GRIK2: variants seen among roughly 807,000 people sequenced by gnomAD.
GRIK2 encodes the protein glutamate ionotropic receptor kainate type subunit 2.
Under a neutral mutation model 100.3 loss-of-function variants are expected in GRIK2, and 32 were observed. The ratio of observed to expected loss-of-function variants is 0.32; its 90% CI spans 0.24 to 0.43. The LOEUF is 0.43. Among genes scored for constraint, GRIK2 ranks in the 20% least tolerant of loss-of-function variants. The probability of loss-of-function intolerance (pLI) is 1.00; values close to 1 mark genes in which losing one functional copy is unlikely to be tolerated. For synonymous variants in GRIK2, 417 were observed against 389.4 expected (o/e 1.07, Z -0.83); for missense variants, 843 against 1,114.9 (o/e 0.76, Z 3.47).
rs140752600 is a variant in GRIK2 at position 101,430,668 on chromosome 6, G to C, written c.115+31276G>C. 401 of 168,406 alleles carry C rather than the reference G, an allele frequency of 2.4e-3. 5 individuals are homozygous for C. The highest frequency in any genetic ancestry group is 9.0e-3 in the African/African-American group (377 of 41,748). 10.4% of individuals were successfully genotyped at this position (168,406 alleles called of 1,614,324 possible). ...ATGACAGAGTTGAAGGTGGTCCCAA[G>C]GATGCCTCAAGATTCCATTCTCAGG... is the stretch of plus-strand genomic sequence containing the variant. On this transcript the variant is annotated intron_variant, in intron 2 of 16. Coordinates refer to ENST00000369134, the MANE Select transcript of GRIK2 (RefSeq NM_021956.5).
chr6:101,434,962 GA>G (rs5878664), intron 2 of GRIK2, among the ~76,000 whole-genome samples: 81,562 of 151,944 alleles, frequency 0.54, 22,338 homozygotes, highest in East Asian at 0.87. Flanking sequence ...AAGGAGAAAA[GA>G]AAATTCTATC....
intron 14 of GRIK2, among the ~76,000 whole-genome samples, chr6:102,012,297 C>T (rs1200138489): frequency 6.6e-6 from 1 of 151,958 alleles, no homozygotes; most frequent in Non-Finnish European, 1.5e-5. Flanking sequence ...TTACTTTGTT[C>T]TTCCCTTTTT....
At chr6:101,735,632 T>G (rs548558748) in intron 7 of GRIK2, among the ~76,000 whole-genome samples, 1 of 152,088 alleles carries the variant, frequency 6.6e-6, no homozygotes, top group Non-Finnish European at 1.5e-5. Flanking sequence ...AAACAATATG[T>G]GAAAGACCCA....
At chr6:101,571,440 T>G (rs1189060214) in intron 2 of GRIK2, among the ~76,000 whole-genome samples, 1 of 152,186 alleles carries the variant, frequency 6.6e-6, no homozygotes, top group Non-Finnish European at 1.5e-5. Flanking sequence ...TTGCATTAAT[T>G]TTGCAAAAAT....
intron 2 of GRIK2, among the ~76,000 whole-genome samples, chr6:101,481,495 A>G (rs1489451758): frequency 6.6e-6 from 1 of 152,160 alleles, no homozygotes; most frequent in Non-Finnish European, 1.5e-5. Flanking sequence ...CATTAACAAA[A>G]CTATGCTTTA....
At chr6:101,839,182 G>A (rs191583141) in intron 10 of GRIK2, among the ~76,000 whole-genome samples, 2 of 152,230 alleles carry the variant, frequency 1.3e-5, no homozygotes, top group African/African-American at 4.8e-5. Context: ...GACTTTCACT[G>A]TTCTGAATTT....
intron 10 of GRIK2, among the ~76,000 whole-genome samples, chr6:101,858,123 C>T (rs947580528): frequency 2.0e-5 from 3 of 152,096 alleles, no homozygotes; most frequent in East Asian, 1.9e-4. Context: ...CTTATCTTAC[C>T]GAGTACCTTG....
At chr6:101,647,319 C>T (rs1781577140) in intron 4 of GRIK2, among the ~76,000 whole-genome samples, 1 of 151,976 alleles carries the variant, frequency 6.6e-6, no homozygotes, top group Non-Finnish European at 1.5e-5. Context: ...GCTATCTACA[C>T]ATCTCCTCAA....
chr6:101,604,405 A>G (rs142984675), intron 2 of GRIK2, among the ~76,000 whole-genome samples: 325 of 152,028 alleles, frequency 2.1e-3, no homozygotes, highest in Middle Eastern at 6.8e-3. Flanking sequence ...TTCTGCAGTC[A>G]TGAGATTTCT....
At chr6:101,627,234 C>T (rs1178009455) in intron 4 of GRIK2, among the ~76,000 whole-genome samples, 1 of 151,886 alleles carries the variant, frequency 6.6e-6, no homozygotes, top group African/African-American at 2.4e-5. Flanking sequence ...CTCTGCCTCC[C>T]AGGTTCAAGC....
rs1774894966 is a variant in GRIK2, at chr6:101,393,809, C to G, written c.-322C>G. On this transcript the variant is annotated 5_prime_UTR_variant, in exon 1 of 17. Coordinates refer to ENST00000369134, the MANE Select transcript of GRIK2 (RefSeq NM_021956.5). ...TCCTCCCCGAGGACCACCCCACCCC[C>G]TCCCCGCCCACCTCACCCCTAGCTC... is the stretch of plus-strand genomic sequence containing the variant. 1.3e-5 allele frequency among the ~76,000 whole-genome samples: 2 copies of G among 152,076 alleles called. No homozygotes were observed. The highest frequency in any genetic ancestry group is 1.9e-4 in the East Asian group (1 of 5,132).
intron 15 of GRIK2, among the ~76,000 whole-genome samples, chr6:102,044,475 G>T (rs533654220): frequency 4.6e-5 from 7 of 151,970 alleles, no homozygotes; most frequent in Non-Finnish European, 1.0e-4. Context: ...TCTGATTTAT[G>T]GCGGGAGGTG....
chr6:101,962,567 T>C (rs577501901), intron 14 of GRIK2, among the ~76,000 whole-genome samples: 21 of 152,324 alleles, frequency 1.4e-4, no homozygotes, highest in African/African-American at 5.1e-4. Context: ...GTTGTTCAAG[T>C]CTTCTATTTC....
At chr6:101,487,799 T>C (rs1293209332) in intron 2 of GRIK2, among the ~76,000 whole-genome samples, 2 of 146,532 alleles carry the variant, frequency 1.4e-5, no homozygotes, top group Non-Finnish European at 3.0e-5. Context: ...GATCAAACTA[T>C]TGGTCTTCAT....
chr6:101,394,796 C>A (rs1408216477), intron 1 of GRIK2, among the ~76,000 whole-genome samples: 2 of 152,164 alleles, frequency 1.3e-5, no homozygotes, highest in Admixed American at 1.3e-4. Flanking sequence ...CTATCAACTT[C>A]CAGTGGCCTT....
At chr6:101,687,927 T>A (rs1487358689) in intron 7 of GRIK2, among the ~76,000 whole-genome samples, 1 of 151,058 alleles carries the variant, frequency 6.6e-6, no homozygotes, top group Non-Finnish European at 1.5e-5. Flanking sequence ...GAAAAAATTA[T>A]AAATGTTATA....
chr6:101,875,167 T>C (rs780798600), intron 11 of GRIK2, among the ~76,000 whole-genome samples: 7 of 152,096 alleles, frequency 4.6e-5, no homozygotes, highest in African/African-American at 1.4e-4. Flanking sequence ...CATCCCTGCC[T>C]TGTGTAAACT....
At chr6:101,762,949 T>C (rs551710241) in intron 7 of GRIK2, among the ~76,000 whole-genome samples, 1 of 152,198 alleles carries the variant, frequency 6.6e-6, no homozygotes, top group South Asian at 2.1e-4. Context: ...ACTTAAGAGC[T>C]GGCTTTTGAT....
chr6:101,429,803 C>A (rs1214952063), intron 2 of GRIK2, among the ~76,000 whole-genome samples: 1 of 151,962 alleles, frequency 6.6e-6, no homozygotes, highest in Non-Finnish European at 1.5e-5. Flanking sequence ...GTTGTCATTT[C>A]TTAAAGAATT....
Sources: allele counts gnomAD v4.1 joint callset (sites outside exome capture counted in the v4.1 genomes callset), GRCh38; gene constraint gnomAD v4.1.1; transcripts MANE v1.5; gene names NCBI Gene and HGNC (gene_info 2026-07-23, HGNC 2026-07-21).